Variants in CTNNA2 observed in about 807,000 individuals in gnomAD.
CTNNA2 encodes the protein catenin alpha 2, also known as catenin alpha-2.
A neutral mutation model predicts 101.0 loss-of-function variants in CTNNA2; 42 were observed. The ratio of observed to expected loss-of-function variants is 0.42; its 90% CI spans 0.32 to 0.54. CTNNA2 has a LOEUF of 0.54. Among genes scored for constraint, CTNNA2 ranks in the 20% least tolerant of loss-of-function variants. The pLI is 0.14. For missense variants in CTNNA2, 871 were observed against 1,223.1 expected (o/e 0.71, Z 4.29); for synonymous variants, 450 against 456.4 (o/e 0.99, Z 0.18).
At chr2:79,710,600 C>T (rs530999148) in intron 2 of CTNNA2, among the ~76,000 whole-genome samples, 3 of 152,030 alleles carry the variant, frequency 2.0e-5, no homozygotes, top group Non-Finnish European at 2.9e-5. Flanking sequence ...TTTTTATTAC[C>T]TCAATTCTTT....
At chr2:80,084,459 G>A (rs1488764091) in intron 7 of CTNNA2, among the ~76,000 whole-genome samples, 1 of 151,942 alleles carries the variant, frequency 6.6e-6, no homozygotes, top group Admixed American at 6.6e-5. Flanking sequence ...CTCTCTTTTA[G>A]GATGTCCAAC....
At chr2:80,614,521 G>T (rs561915852) in intron 17 of CTNNA2, among the ~76,000 whole-genome samples, 1 of 151,230 alleles carries the variant, frequency 6.6e-6, no homozygotes, top group Non-Finnish European at 1.5e-5. Flanking sequence ...ATCCCCCATG[G>T]ATACCAAGGG....
intron 4 of CTNNA2, among the ~76,000 whole-genome samples, chr2:79,495,485 G>A (rs1406834717): frequency 1.3e-5 from 2 of 152,182 alleles, no homozygotes; most frequent in Non-Finnish European, 2.9e-5. Context: ...TGGCAAGGAT[G>A]CGGATAAATT....
intron 15 of CTNNA2, among the ~76,000 whole-genome samples, chr2:80,591,780 A>G (rs1696534353): frequency 6.6e-6 from 1 of 152,102 alleles, no homozygotes; most frequent in Admixed American, 6.6e-5. Context: ...TAGCTAATTC[A>G]TTAATTTGAT....
chr2:79,213,888 A>G (rs1388374545), intron 2 of CTNNA2, among the ~76,000 whole-genome samples: 1 of 152,192 alleles, frequency 6.6e-6, no homozygotes, highest in Non-Finnish European at 1.5e-5. Context: ...ATAGTTTGTG[A>G]TTTTTAGGGC....
intron 9 of CTNNA2, among the ~76,000 whole-genome samples, chr2:80,499,747 C>T (rs907043956): frequency 3.3e-5 from 5 of 151,842 alleles, no homozygotes; most frequent in East Asian, 3.9e-4. Flanking sequence ...CTTGAACCTG[C>T]GAGGCAGAGG....
chr2:80,430,649 A>T (rs1305812273), intron 9 of CTNNA2, among the ~76,000 whole-genome samples: 2 of 152,176 alleles, frequency 1.3e-5, no homozygotes, highest in Non-Finnish European at 2.9e-5. Context: ...GTTGAGGAAG[A>T]GTGGTGTGAT....
chr2:80,332,174 A>T (rs1304382400), intron 7 of CTNNA2, among the ~76,000 whole-genome samples: 1 of 152,156 alleles, frequency 6.6e-6, no homozygotes, highest in Non-Finnish European at 1.5e-5. Context: ...GTGTGCATTG[A>T]ACAGTGTTTC....
At chr2:80,027,465 T>A (rs970009860) in intron 7 of CTNNA2, among the ~76,000 whole-genome samples, 1 of 152,198 alleles carries the variant, frequency 6.6e-6, no homozygotes, top group South Asian at 2.1e-4. Context: ...ACATCAGGCT[T>A]CATTTTTCAG....
chr2:79,430,848 G>A (rs1257365236), intron 4 of CTNNA2, among the ~76,000 whole-genome samples: 1 of 150,214 alleles, frequency 6.7e-6, no homozygotes, highest in Non-Finnish European at 1.5e-5. Context: ...AAGGTATAAA[G>A]AAATTACTAT....
chr2:79,495,447 A>G (rs1225880751), intron 4 of CTNNA2, among the ~76,000 whole-genome samples: 1 of 152,352 alleles, frequency 6.6e-6, no homozygotes, highest in Non-Finnish European at 1.5e-5. Flanking sequence ...TAGGATGGCT[A>G]TAATCAAAAA....
At chr2:80,416,209 C>T (rs1680031318) in intron 8 of CTNNA2, among the ~76,000 whole-genome samples, 1 of 151,204 alleles carries the variant, frequency 6.6e-6, no homozygotes, top group African/African-American at 2.4e-5. Flanking sequence ...TAAGTGTTCT[C>T]ACCAATAAAG....
At chr2:79,345,118 AG>A (rs752226768) in intron 3 of CTNNA2, among the ~76,000 whole-genome samples, 1 of 145,262 alleles carries the variant, frequency 6.9e-6, no homozygotes, top group Non-Finnish European at 1.5e-5. Flanking sequence ...TAAAAAAAAA[AG>A]CAAAATGTAA....
At chr2:80,176,062 G>A (rs1184056388) in intron 7 of CTNNA2, among the ~76,000 whole-genome samples, 2 of 152,214 alleles carry the variant, frequency 1.3e-5, no homozygotes, top group East Asian at 3.9e-4. Flanking sequence ...AATCCCCTTT[G>A]GCAACACCTT....
At chr2:80,020,030 AAGAT>A (rs1446865839) in intron 7 of CTNNA2, among the ~76,000 whole-genome samples, 29 of 152,324 alleles carry the variant, frequency 1.9e-4, no homozygotes, top group African/African-American at 5.8e-4. Context: ...AAGTTAAAAA[AAGAT>A]AGAGGCACTG....
At chr2:79,303,772 A>T (rs1395870050) in intron 2 of CTNNA2, among the ~76,000 whole-genome samples, 13 of 151,902 alleles carry the variant, frequency 8.6e-5, no homozygotes. Flanking sequence ...CAGGGAGAAG[A>T]GGGCTGCAGC....
At chr2:79,490,173 A>G (rs1185891955) in intron 4 of CTNNA2, among the ~76,000 whole-genome samples, 1 of 152,186 alleles carries the variant, frequency 6.6e-6, no homozygotes, top group African/African-American at 2.4e-5. Flanking sequence ...CATACATAGT[A>G]TATATACTAC....
chr2:79,961,631 G>T (rs1223347563), intron 7 of CTNNA2, among the ~76,000 whole-genome samples: 1 of 151,816 alleles, frequency 6.6e-6, no homozygotes, highest in African/African-American at 2.4e-5. Context: ...GACCATCCTG[G>T]CTAACACGGT....
chr2:79,329,216 A>C (rs192399981), intron 3 of CTNNA2, among the ~76,000 whole-genome samples: 1 of 152,166 alleles, frequency 6.6e-6, no homozygotes, highest in Non-Finnish European at 1.5e-5. Flanking sequence ...TAAGGCCTCA[A>C]ATAGCAGGGC....
Sources: allele counts gnomAD v4.1 joint callset (sites outside exome capture counted in the v4.1 genomes callset), GRCh38; gene constraint gnomAD v4.1.1; transcripts MANE v1.5; gene names NCBI Gene and HGNC (gene_info 2026-07-23, HGNC 2026-07-21).